The following POC1B variants were observed in gnomAD, a reference collection of about 807,000 sequenced individuals.
The protein encoded by POC1B is POC1 centriolar protein B, also known as POC1 centriolar protein homolog B.
In POC1B, 44 loss-of-function variants were observed where a neutral mutation model predicts 60.6. The ratio of observed to expected loss-of-function variants is 0.73; its 90% CI spans 0.57 to 0.93. The LOEUF is 0.93. Ranked by LOEUF, POC1B falls within the 40% of genes least tolerant of loss-of-function variation. POC1B has a pLI of 0.00. For synonymous variants in POC1B, 180 were observed against 198.9 expected, an observed-to-expected ratio of 0.90 and a Z score of 0.80; for missense variants, 555 against 572.3, an observed-to-expected ratio of 0.97 and a Z score of 0.31.
intron 9 of POC1B, among the ~76,000 whole-genome samples, chr12:89,465,643 T>C (rs1219669775): frequency 2.0e-5 from 3 of 152,048 alleles, no homozygotes; most frequent in Non-Finnish European, 4.4e-5. Flanking sequence ...CTTTTTTCTT[T>C]TAAATAAAAG....
At chr12:89,504,285 C>T (rs190807233) in intron 2 of POC1B, among the ~76,000 whole-genome samples, 47 of 152,350 alleles carry the variant, frequency 3.1e-4, no homozygotes, top group Admixed American at 2.7e-3. Context: ...CTTTGGGATG[C>T]TGTTGATCTA....
chr12:89,470,496 TG>T lies in POC1B; in HGVS notation c.677-3del. On this transcript the variant is annotated splice_polypyrimidine_tract_variant and splice_region_variant and intron_variant, in intron 6 of 11. Coordinates refer to ENST00000313546, the MANE Select transcript of POC1B (RefSeq NM_172240.3). ...TGCAATTAACTCCACCGCTGTGAACTGATTTGTAGAAAATAAAAGCAAAAAG... is the reference window on the plus strand; with the variant it reads ...TGCAATTAACTCCACCGCTGTGAACTATTTGTAGAAAATAAAAGCAAAAAG... The T allele has an allele frequency of 6.3e-7, 1 of 1,590,328 alleles. No individual in the cohort carries two copies. The highest frequency in any genetic ancestry group is 8.6e-7 in the Non-Finnish European group (1 of 1,164,456).
In POC1B at chr12:89,449,676, T is replaced by C. The variant is rs547542953; in HGVS notation, c.1113+9962A>G. On this transcript the variant is annotated intron_variant, in intron 10 of 11. Transcript: ENST00000313546. Reference sequence around the variant, plus strand: ...AAACAGAATAATTTTAAAATTCATATGGATAAGTAATAGGCAAGAACATCC... The same window carrying C: ...AAACAGAATAATTTTAAAATTCATACGGATAAGTAATAGGCAAGAACATCC... Among the ~76,000 whole-genome samples the C allele has an allele frequency of 3.3e-5, 5 of 152,282 alleles. No homozygotes were observed. In the East Asian group the frequency reaches 9.6e-4, roughly 29 times the overall value.
the POC1B span, among the ~76,000 whole-genome samples, chr12:89,406,764 T>A: frequency 6.6e-6 from 1 of 151,886 alleles, no homozygotes; most frequent in South Asian, 2.1e-4. Flanking sequence ...GTTATCGCCA[T>A]GGGAAACTAC....
chr12:89,488,305 AATCAGGCTAAAC>A (rs1471683538), intron 4 of POC1B, among the ~76,000 whole-genome samples: 4 of 152,174 alleles, frequency 2.6e-5, no homozygotes, highest in African/African-American at 9.7e-5. Flanking sequence ...CAGCTACAGG[AATCAGGCTAAAC>A]ATCATGCCAA....
At chr12:89,438,229 G>A (rs1157797868) in intron 10 of POC1B, among the ~76,000 whole-genome samples, 5 of 152,064 alleles carry the variant, frequency 3.3e-5, no homozygotes, top group African/African-American at 9.7e-5. Context: ...AGGCCGAGGC[G>A]GGCGGATCAC....
chr12:89,437,320 C>T (rs773986364), intron 10 of POC1B, among the ~76,000 whole-genome samples: 2 of 152,112 alleles, frequency 1.3e-5, no homozygotes, highest in Non-Finnish European at 2.9e-5. Context: ...ATCCAAATAC[C>T]TCCAAAAACC....
At chr12:89,452,036 T>C (rs570866366) in intron 10 of POC1B, among the ~76,000 whole-genome samples, 5 of 152,316 alleles carry the variant, frequency 3.3e-5, no homozygotes, top group African/African-American at 1.2e-4. Context: ...AAAAGCTCAC[T>C]GCTGTTCTTG....
At chr12:89,418,898 A>G (rs1002015186), downstream of POC1B, among the ~76,000 whole-genome samples, 1 of 152,136 alleles carries the variant, frequency 6.6e-6, no homozygotes, top group Admixed American at 6.5e-5. Context: ...CTATAGCAAC[A>G]CAAAGGGAAT....
intron 11 of POC1B, among the ~76,000 whole-genome samples, chr12:89,422,128 A>C (rs73432804): frequency 6.6e-6 from 1 of 152,040 alleles, no homozygotes; most frequent in East Asian, 1.9e-4. Flanking sequence ...ATGGATTCTT[A>C]TAAGAAATAC....
At chr12:89,487,982 G>A (rs184294720) in intron 4 of POC1B, among the ~76,000 whole-genome samples, 1 of 152,176 alleles carries the variant, frequency 6.6e-6, no homozygotes, top group East Asian at 1.9e-4. Flanking sequence ...GGCTCCCTGA[G>A]GCCAAGACTG....
At chr12:89,403,134 A>G in the POC1B span, among the ~76,000 whole-genome samples, 1 of 151,524 alleles carries the variant, frequency 6.6e-6, no homozygotes, top group Non-Finnish European at 1.5e-5. Context: ...CAGCCTCCCA[A>G]GTAGCTGGCA....
intron 1 of POC1B, 23 bp downstream of exon 1, chr12:89,525,858 C>T (rs1477150996): frequency 7.0e-7 from 1 of 1,426,272 alleles, no homozygotes. Context: ...GAGGGACCCC[C>T]CCCACCTCCA....
chr12:89,451,469 A>C (rs1414409430), intron 10 of POC1B, among the ~76,000 whole-genome samples: 1 of 151,366 alleles, frequency 6.6e-6, no homozygotes, highest in East Asian at 2.0e-4. Flanking sequence ...TTTGACATTT[A>C]AGTGATGAGT....
At chr12:89,419,533 G>C (rs1393710423), downstream of POC1B, among the ~76,000 whole-genome samples, 1 of 152,110 alleles carries the variant, frequency 6.6e-6, no homozygotes, top group East Asian at 1.9e-4. Context: ...TCACCTATGA[G>C]ATTGTTAGAG....
At chr12:89,469,396 A>G (rs58177747) in intron 7 of POC1B, among the ~76,000 whole-genome samples, 8 of 152,250 alleles carry the variant, frequency 5.3e-5, no homozygotes, top group African/African-American at 1.9e-4. Flanking sequence ...AATACAGCAC[A>G]TAAGAATCGA....
At chr12:89,431,835 A>G (rs1375136155) in intron 10 of POC1B, among the ~76,000 whole-genome samples, 3 of 152,240 alleles carry the variant, frequency 2.0e-5, no homozygotes, top group African/African-American at 7.2e-5. Flanking sequence ...TTGCAAGTCC[A>G]AAACAGGATT....
chr12:89,459,004 T>C (rs1041543326), intron 10 of POC1B, among the ~76,000 whole-genome samples: 1 of 152,236 alleles, frequency 6.6e-6, no homozygotes, highest in Non-Finnish European at 1.5e-5. Flanking sequence ...TCTTAATTTA[T>C]GGATAATCCA....
In POC1B at chr12:89,466,805, G is replaced by C; in HGVS notation, c.997C>G (p.Pro333Ala). The change falls in exon 9 of 12, where the codon CCA (proline) becomes GCA (alanine). Residue 333 changes from proline to alanine, a missense_variant. By Grantham distance (27) the Pro-to-Ala change is conservative. Transcript: ENST00000313546. ...TCAACTTTTTCCTCATGGGGATGTGGTGTTCTTGGGTAGATATCAAGAAGA... is the reference window on the plus strand; with the variant it reads ...TCAACTTTTTCCTCATGGGGATGTGCTGTTCTTGGGTAGATATCAAGAAGA... ...PHLLDIYPRT[P>A]HPHEEKVETV... is the part of the protein sequence containing the mutation. 6.2e-7 allele frequency: 1 copy of C among 1,612,830 alleles called. No homozygotes were observed. Among genetic ancestry groups the C allele is most frequent in the Non-Finnish European group, 8.5e-7 (1 of 1,179,200 alleles).
Sources: allele counts gnomAD v4.1 joint callset (sites outside exome capture counted in the v4.1 genomes callset), GRCh38; gene constraint gnomAD v4.1.1; transcripts MANE v1.5; gene names NCBI Gene and HGNC (gene_info 2026-07-23, HGNC 2026-07-21).